Variants in C1orf198 observed in about 807,000 individuals in gnomAD.
The protein encoded by C1orf198 is chromosome 1 open reading frame 198.
In C1orf198, 17 loss-of-function variants were observed where a neutral mutation model predicts 31.4. That is an observed-to-expected ratio of 0.54 (90% CI 0.37 to 0.81). C1orf198 has a LOEUF of 0.81. Among genes scored for constraint, C1orf198 ranks in the 40% least tolerant of loss-of-function variants. C1orf198 has a pLI of 0.00. For missense variants in C1orf198, 401 were observed against 450.3 expected, an observed-to-expected ratio of 0.89 and a Z score of 0.99; for synonymous variants, 175 against 193.8, an observed-to-expected ratio of 0.90 and a Z score of 0.81.
chr1:230,847,910 C>T (rs1202558), intron 2 of C1orf198, among the ~76,000 whole-genome samples: 87,044 of 152,080 alleles, frequency 0.57, 26,972 homozygotes, highest in South Asian at 0.75. Flanking sequence ...ATGGGTGTCC[C>T]TGCTAAGAAG....
intron 2 of C1orf198, among the ~76,000 whole-genome samples, chr1:230,846,611 G>A (rs1381489442): frequency 1.3e-5 from 2 of 152,230 alleles, no homozygotes; most frequent in Admixed American, 1.3e-4. Context: ...ACGAGGCCAT[G>A]AAGAATTCAA....
Position 230,843,528 on chromosome 1 carries a change from C to T in C1orf198, c.753G>A (p.Glu251=). 6.2e-7 allele frequency: 1 copy of T among 1,612,230 alleles called. No homozygotes were observed. Among genetic ancestry groups the T allele is most frequent in the Non-Finnish European group, 8.5e-7 (1 of 1,178,802 alleles). The change falls in exon 3 of 4, where the codon GAG becomes GAA. Residue 251 remains glutamate (E), a synonymous_variant. Transcript: ENST00000366663. This position sits in a 1 kb window ranked among gnomAD's most constrained non-coding sequence, Gnocchi z 4.9. ...TGCTCACGTTGGGAAGAGGACGCTG[C>T]TCCTGACGGAGGGTGCTGGGCCTTT... is the stretch of plus-strand genomic sequence containing the variant. ...KVERPSTLRQ[E]QRPLPNVSTE... is the part of the protein sequence containing the mutation.
At chr1:230,864,011 T>A (rs1202579) in intron 1 of C1orf198, among the ~76,000 whole-genome samples, 38,581 of 151,898 alleles carry the variant, frequency 0.25, 5,518 homozygotes, top group Middle Eastern at 0.45. Flanking sequence ...AAAAGGCCAG[T>A]CTACTAAAGG....
At chr1:230,845,678 C>A (rs1433419437) in intron 2 of C1orf198, among the ~76,000 whole-genome samples, 1 of 148,886 alleles carries the variant, frequency 6.7e-6, no homozygotes, top group Admixed American at 6.6e-5. Context: ...AATGAAACTC[C>A]ATTTCAAAAA....
intron 2 of C1orf198, among the ~76,000 whole-genome samples, chr1:230,844,800 A>G (rs118159817): frequency 1.3e-5 from 2 of 152,220 alleles, no homozygotes; most frequent in African/African-American, 4.8e-5. Context: ...GGCACCCATC[A>G]CAGCCTATGC....
At chr1:230,845,504 G>C (rs1321673111) in intron 2 of C1orf198, among the ~76,000 whole-genome samples, 1 of 152,110 alleles carries the variant, frequency 6.6e-6, no homozygotes. Context: ...CCAACATGGA[G>C]AAACCCCCTC....
In C1orf198 at chr1:230,857,653, G is replaced by C. The variant is rs1669906296; in HGVS notation, c.334-1935C>G. Reference sequence around the variant, plus strand: ...AAGAGCAAGGAAAACCCAGAGAGGAGACTGTCAAAAGGCCAGAATCCAGGT... The same window carrying C: ...AAGAGCAAGGAAAACCCAGAGAGGACACTGTCAAAAGGCCAGAATCCAGGT... On this transcript the variant is annotated intron_variant, in intron 1 of 3. Transcript: ENST00000366663. The surrounding 1 kb of genome is among the most constrained non-coding windows in gnomAD (Gnocchi z 4.2). 6.6e-6 allele frequency among the ~76,000 whole-genome samples: 1 copy of C among 152,132 alleles called. No homozygotes were observed. Among genetic ancestry groups the C allele is most frequent in the African/African-American group, 2.4e-5 (1 of 41,418 alleles).
intron 1 of C1orf198, chr1:230,855,969 G>GC: frequency 7.7e-7 from 1 of 1,294,548 alleles, no homozygotes; most frequent in Non-Finnish European, 9.8e-7. Flanking sequence ...TGCCGGTGAG[G>GC]CCCCCCAATG....
upstream of C1orf198, chr1:230,869,536 C>G (rs1670217728): frequency 6.6e-6 from 1 of 152,072 alleles, no homozygotes; most frequent in Admixed American, 6.6e-5. Context: ...AAAACAAAAA[C>G]CAGCATTTCA....
intron 1 of C1orf198, among the ~76,000 whole-genome samples, chr1:230,866,034 C>A (rs1221583023): frequency 6.6e-6 from 1 of 152,120 alleles, no homozygotes; most frequent in Non-Finnish European, 1.5e-5. Context: ...GTTTACAGTC[C>A]TTTAGGACAA....
At position 230,857,834 on chromosome 1, in the gene C1orf198, C is replaced by T. The variant is rs1669914591; in HGVS notation, c.334-2116G>A. On this transcript the variant is annotated intron_variant, in intron 1 of 3. Coordinates refer to ENST00000366663, the MANE Select transcript of C1orf198 (RefSeq NM_032800.3). This position sits in a 1 kb window ranked among gnomAD's most constrained non-coding sequence, Gnocchi z 4.2. ...TTAAGCTGCATTAAAGTGTATCAAA[C>T]AGTCAGTTCTGAGAACCACATAGTG... is the stretch of plus-strand genomic sequence containing the variant. Among the ~76,000 whole-genome samples the T allele has an allele frequency of 6.6e-6, 1 of 152,130 alleles. No individual in the cohort carries two copies. The highest frequency in any genetic ancestry group is 1.9e-4 in the East Asian group (1 of 5,194).
At chr1:230,852,441 T>G (rs542395146) in intron 2 of C1orf198, among the ~76,000 whole-genome samples, 1 of 152,326 alleles carries the variant, frequency 6.6e-6, no homozygotes, top group Non-Finnish European at 1.5e-5. Flanking sequence ...AGAGTTTCAG[T>G]CTTGCAAGAT....
At chr1:230,854,327 T>C (rs1669817480) in intron 2 of C1orf198, among the ~76,000 whole-genome samples, 1 of 152,168 alleles carries the variant, frequency 6.6e-6, no homozygotes, top group Non-Finnish European at 1.5e-5. Context: ...TGGGAGCCCA[T>C]AGAAGAGGAA....
At chr1:230,844,268 A>T (rs898817002) in intron 2 of C1orf198, among the ~76,000 whole-genome samples, 1 of 151,870 alleles carries the variant, frequency 6.6e-6, no homozygotes, top group African/African-American at 2.4e-5. Context: ...TGTCTTCATG[A>T]TAGTGAGTCC....
intron 3 of C1orf198, among the ~76,000 whole-genome samples, chr1:230,842,304 T>C (rs769849076): frequency 5.9e-5 from 9 of 152,116 alleles, no homozygotes; most frequent in Admixed American, 2.0e-4. Context: ...TATTTTACCA[T>C]AATAAAAACT....
chr1:230,868,536 GCCCGCGCCCCGCC>G (rs1476740291), upstream of C1orf198: 2 of 1,266,248 alleles, frequency 1.6e-6, no homozygotes, highest in East Asian at 6.4e-5. Flanking sequence ...GCCGCTCCCG[GCCCGCGCCCCGCC>G]CCTCGCTGTG....
chr1:230,841,367 C>A (rs1356473923), intron 3 of C1orf198, among the ~76,000 whole-genome samples: 1 of 152,236 alleles, frequency 6.6e-6, no homozygotes, highest in Non-Finnish European at 1.5e-5. Flanking sequence ...GTGCAGCCAT[C>A]TGCCGAGGGA....
intron 3 of C1orf198, among the ~76,000 whole-genome samples, chr1:230,842,251 C>T (rs1435256813): frequency 6.6e-6 from 1 of 152,022 alleles, no homozygotes; most frequent in African/African-American, 2.4e-5. Flanking sequence ...TGAAATGCCA[C>T]CAAATTTATA....
chr1:230,842,135 A>G (rs1050107907), intron 3 of C1orf198, among the ~76,000 whole-genome samples: 2 of 152,176 alleles, frequency 1.3e-5, no homozygotes, highest in African/African-American at 4.8e-5. Context: ...GCGGGGAGGG[A>G]TGAATGAGAA....
Sources: gnomAD v4.1 joint callset for allele counts (sites outside exome capture counted in the v4.1 genomes callset) on GRCh38, gnomAD v4.1.1 for gene constraint, Gnocchi (gnomAD v3.1) non-coding constraint, MANE v1.5 for transcripts, NCBI Gene and HGNC (gene_info 2026-07-23, HGNC 2026-07-21) for gene names.